RAB1A: variants seen among roughly 807,000 people sequenced by gnomAD.
The protein encoded by RAB1A is ras-related protein Rab-1A.
Under a neutral mutation model 26.0 loss-of-function variants are expected in RAB1A, and 2 were observed. The ratio of observed to expected loss-of-function variants is 0.08; its 90% confidence interval spans 0.03 to 0.24. The LOEUF (loss-of-function observed/expected upper bound fraction) is 0.24. Among genes scored for constraint, RAB1A ranks in the 10% least tolerant of loss-of-function variants. The pLI is 1.00. For synonymous variants in RAB1A, 84 were observed against 84.9 expected, an observed-to-expected ratio of 0.99 and a Z score of 0.06; for missense variants, 100 against 247.0, an observed-to-expected ratio of 0.40 and a Z score of 3.99.
At chr2:65,089,523 T>C (rs768667213) in intron 4 of RAB1A, among the ~76,000 whole-genome samples, 11 of 152,170 alleles carry the variant, frequency 7.2e-5, no homozygotes, top group African/African-American at 1.9e-4. Flanking sequence ...TAAACAGATA[T>C]ATTAAAATGA....
intron 1 of RAB1A, among the ~76,000 whole-genome samples, chr2:65,109,123 T>C (rs868388636): frequency 1.3e-5 from 2 of 152,234 alleles, no homozygotes; most frequent in Non-Finnish European, 2.9e-5. Context: ...CAACTGTAAA[T>C]ATACTGAATA....
At chr2:65,114,035 TATC>T (rs1669765094) in intron 1 of RAB1A, 2 of 317,258 alleles carry the variant, frequency 6.3e-6, no homozygotes, top group Non-Finnish European at 1.3e-5. Flanking sequence ...ACAGCACACC[TATC>T]ATAACACAAA....
intron 1 of RAB1A, among the ~76,000 whole-genome samples, chr2:65,120,989 GTCACACC>G (rs779504495): frequency 3.9e-5 from 6 of 152,008 alleles, no homozygotes; most frequent in Non-Finnish European, 7.4e-5. Flanking sequence ...AGTGAGGTGG[GTCACACC>G]TGTAATCCCA....
At position 65,130,006 on chromosome 2, in the gene RAB1A, A is replaced by T; in HGVS notation, c.-91T>A. On this transcript the variant is annotated 5_prime_UTR_variant, in exon 1 of 6. Coordinates refer to ENST00000409784, the MANE Select transcript of RAB1A (RefSeq NM_004161.5). ...CGCCACGGGTAATCGAAAGAAAGGAATGAGATAGGCTGTTCCGGGAGAGCA... is the reference window on the plus strand; with the variant it reads ...CGCCACGGGTAATCGAAAGAAAGGATTGAGATAGGCTGTTCCGGGAGAGCA... The T allele has an allele frequency of 7.1e-7, 1 of 1,400,836 alleles. No homozygotes were observed. Among genetic ancestry groups the T allele is most frequent in the East Asian group, 2.5e-5 (1 of 40,238 alleles). 86.8% of individuals were successfully genotyped at this position (1,400,836 alleles called of 1,614,324 possible). A position where few individuals can be genotyped will look rare whatever the true frequency, so the allele number is the denominator to read the frequency against.
chr2:65,119,324 G>C (rs887889302), intron 1 of RAB1A, among the ~76,000 whole-genome samples: 1 of 152,022 alleles, frequency 6.6e-6, no homozygotes. Flanking sequence ...TGGTCAACAT[G>C]GTGAAACCCA....
At chr2:65,090,341 CCTTTT>C (rs1301935414) in intron 4 of RAB1A, among the ~76,000 whole-genome samples, 1 of 152,056 alleles carries the variant, frequency 6.6e-6, no homozygotes, top group African/African-American at 2.4e-5. Context: ...TATCTTTTGT[CCTTTT>C]CTTTGATAGA....
chr2:65,122,139 G>A (rs61409931), intron 1 of RAB1A, among the ~76,000 whole-genome samples: 7,662 of 122,608 alleles, frequency 0.062, 615 homozygotes, highest in East Asian at 0.37. Flanking sequence ...CTGGGTGACA[G>A]AGCAAGACTC....
chr2:65,098,981 C>T (rs1429833809), intron 2 of RAB1A, among the ~76,000 whole-genome samples: 4 of 151,818 alleles, frequency 2.6e-5, no homozygotes, highest in East Asian at 1.9e-4. Flanking sequence ...GGACTACAGG[C>T]GTGCATCACC....
intron 1 of RAB1A, among the ~76,000 whole-genome samples, chr2:65,110,055 G>A (rs1191770819): frequency 6.6e-6 from 1 of 152,170 alleles, no homozygotes; most frequent in African/African-American, 2.4e-5. Context: ...TTCGTTGTGA[G>A]ATACAGCTAC....
chr2:65,107,995 T>G (rs1175846300), intron 1 of RAB1A, among the ~76,000 whole-genome samples: 1 of 142,870 alleles, frequency 7.0e-6, no homozygotes, highest in African/African-American at 2.6e-5. Context: ...ACTCAGGAGG[T>G]GGAGGTTGCA....
At chr2:65,109,805 C>T (rs1415822028) in intron 1 of RAB1A, among the ~76,000 whole-genome samples, 1 of 151,944 alleles carries the variant, frequency 6.6e-6, no homozygotes, top group Non-Finnish European at 1.5e-5. Context: ...CCACTGTTTC[C>T]AGTTCAGAAC....
chr2:65,102,115 T>C (rs1558579667), intron 2 of RAB1A, among the ~76,000 whole-genome samples: 2 of 152,186 alleles, frequency 1.3e-5, no homozygotes, highest in Non-Finnish European at 2.9e-5. Context: ...TTAGGAGAAA[T>C]ATTCTTTTCT....
intron 1 of RAB1A, among the ~76,000 whole-genome samples, chr2:65,120,476 A>AAAAAAAAAAAAAAAAAAAG (rs1669937794): frequency 6.6e-6 from 1 of 151,620 alleles, no homozygotes; most frequent in Non-Finnish European, 1.5e-5. Flanking sequence ...AAAAAAAAAA[A>AAAAAAAAAAAAAAAAAAAG]AAAACTCAAA....
chr2:65,127,617 T>C (rs1356780882), intron 1 of RAB1A, among the ~76,000 whole-genome samples: 3 of 152,132 alleles, frequency 2.0e-5, no homozygotes, highest in Admixed American at 6.5e-5. Flanking sequence ...TCCCAACTTC[T>C]CGGGAATCTG....
At chr2:65,102,109 G>C (rs368674167) in intron 2 of RAB1A, among the ~76,000 whole-genome samples, 1 of 152,142 alleles carries the variant, frequency 6.6e-6, no homozygotes. Context: ...TTTCCATTAG[G>C]AGAAATATTC....
chr2:65,105,510 TCA>T (rs1558581194), intron 1 of RAB1A: 1 of 25,314 alleles, frequency 4.0e-5, no homozygotes, highest in African/African-American at 1.8e-4. Flanking sequence ...AAACTCTGTC[TCA>T]AAAAAAAAAA....
intron 4 of RAB1A, among the ~76,000 whole-genome samples, chr2:65,089,910 C>T (rs1330592315): frequency 6.6e-6 from 1 of 152,074 alleles, no homozygotes; most frequent in Non-Finnish European, 1.5e-5. Flanking sequence ...GCCATGTTGG[C>T]GAGGCTAGTC....
intron 4 of RAB1A, among the ~76,000 whole-genome samples, chr2:65,089,901 C>G (rs1273732573): frequency 6.6e-6 from 1 of 152,118 alleles, no homozygotes; most frequent in East Asian, 1.9e-4. Context: ...TGGGATTTTG[C>G]CATGTTGGCG....
chr2:65,115,080 A>C (rs1035140394), intron 1 of RAB1A, among the ~76,000 whole-genome samples: 3 of 152,184 alleles, frequency 2.0e-5, no homozygotes, highest in African/African-American at 7.2e-5. Context: ...CACAGCACAA[A>C]GGGCAGAACC....
Sources: allele counts gnomAD v4.1 joint callset (sites outside exome capture counted in the v4.1 genomes callset), GRCh38; gene constraint gnomAD v4.1.1; transcripts MANE v1.5; gene names NCBI Gene and HGNC (gene_info 2026-07-23, HGNC 2026-07-21).